FGGY: variants seen among roughly 807,000 people sequenced by gnomAD.
The protein encoded by FGGY is FGGY carbohydrate kinase domain containing, also known as FGGY carbohydrate kinase domain-containing protein.
FGGY carries 72 observed loss-of-function variants against 71.3 expected under a neutral mutation model. The ratio of observed to expected loss-of-function variants is 1.01; its 90% CI spans 0.84 to 1.23. The LOEUF is 1.23. Ranked by LOEUF, FGGY falls within the 50% of genes most tolerant of loss-of-function variation. FGGY has a pLI of 0.00. For synonymous variants in FGGY, 251 were observed against 250.3 expected (o/e 1.00, Z -0.02); for missense variants, 668 against 682.3 (o/e 0.98, Z 0.23).
At chr1:59,633,997 T>C (rs2096932464) in intron 10 of FGGY, among the ~76,000 whole-genome samples, 1 of 152,192 alleles carries the variant, frequency 6.6e-6, no homozygotes, top group Non-Finnish European at 1.5e-5. Context: ...GGTCAAATGA[T>C]GTAAAATGCC....
chr1:59,723,291 T>C (rs556388856), intron 14 of FGGY, among the ~76,000 whole-genome samples: 1 of 152,342 alleles, frequency 6.6e-6, no homozygotes, highest in South Asian at 2.1e-4. Context: ...CTTTTTGATA[T>C]TAAGCTAAAC....
At chr1:59,306,441 A>G (rs1211889775) in intron 1 of FGGY, among the ~76,000 whole-genome samples, 1 of 152,232 alleles carries the variant, frequency 6.6e-6, no homozygotes, top group Non-Finnish European at 1.5e-5. Context: ...TGGGTCTAGT[A>G]ACAGTAAGAC....
At chr1:59,538,174 G>T (rs1217044107) in intron 7 of FGGY, among the ~76,000 whole-genome samples, 1 of 152,188 alleles carries the variant, frequency 6.6e-6, no homozygotes, top group Non-Finnish European at 1.5e-5. Context: ...CCATGAAAAA[G>T]TGGGCGAGGG....
rs560760031 is a variant in FGGY at position 59,634,932 on chromosome 1, A to G, written c.1074-3296A>G. ...TGATTATTGAAACTATATTTTCTTC[A>G]TGATACCCAGTGGGATGTGGACAGC... On this transcript the variant is annotated intron_variant, in intron 10 of 15. Coordinates refer to ENST00000303721, the MANE Select transcript of FGGY (RefSeq NM_018291.5). Among the ~76,000 whole-genome samples the G allele has an allele frequency of 3.9e-5, 6 of 152,288 alleles. No homozygotes were observed. In the East Asian group the frequency reaches 1.2e-3, roughly 29 times the overall value.
chr1:59,623,284 C>T (rs1212426605), intron 9 of FGGY, among the ~76,000 whole-genome samples: 1 of 152,118 alleles, frequency 6.6e-6, no homozygotes, highest in African/African-American at 2.4e-5. Context: ...GGCCTTTGAT[C>T]TAATAAAAGT....
chr1:59,752,132 T>G (rs1364405432), intron 14 of FGGY, among the ~76,000 whole-genome samples: 1 of 152,230 alleles, frequency 6.6e-6, no homozygotes, highest in Non-Finnish European at 1.5e-5. Flanking sequence ...TAAAGTGTAA[T>G]TAATTTCTTA....
intron 4 of FGGY, among the ~76,000 whole-genome samples, chr1:59,364,726 A>AT (rs2056274029): frequency 6.6e-6 from 1 of 152,250 alleles, no homozygotes; most frequent in Non-Finnish European, 1.5e-5. Context: ...GCATAAGAGC[A>AT]TCTGACTCAG....
chr1:59,391,615 G>A (rs2060705211), intron 5 of FGGY, among the ~76,000 whole-genome samples: 1 of 152,140 alleles, frequency 6.6e-6, no homozygotes, highest in South Asian at 2.1e-4. Context: ...GTGTGACCTC[G>A]ACGATTATGA....
intron 11 of FGGY, among the ~76,000 whole-genome samples, chr1:59,653,597 C>A (rs1385846780): frequency 6.6e-6 from 1 of 152,240 alleles, no homozygotes; most frequent in Non-Finnish European, 1.5e-5. Context: ...GGCAATGCCT[C>A]GCCCTGCTTC....
chr1:59,298,808 C>T (rs914830217), intron 1 of FGGY, among the ~76,000 whole-genome samples: 8 of 152,136 alleles, frequency 5.3e-5, no homozygotes, highest in Non-Finnish European at 8.8e-5. Context: ...CCTTCTCACC[C>T]GCCCACCTTT....
chr1:59,366,633 A>T (rs2056639015), intron 4 of FGGY, among the ~76,000 whole-genome samples: 1 of 152,200 alleles, frequency 6.6e-6, no homozygotes, highest in Admixed American at 6.5e-5. Context: ...TCCTTTGTGT[A>T]CATCTTTCTC....
At chr1:59,540,277 G>A (rs12751609) in intron 7 of FGGY, among the ~76,000 whole-genome samples, 30,080 of 152,056 alleles carry the variant, frequency 0.2, 3,995 homozygotes, top group African/African-American at 0.37. Context: ...GAAAAAATAC[G>A]TATATAGTAA....
chr1:59,476,410 C>A (rs969314941), intron 6 of FGGY, among the ~76,000 whole-genome samples: 6 of 152,234 alleles, frequency 3.9e-5, no homozygotes, highest in Non-Finnish European at 8.8e-5. Context: ...TGCTCAAGGT[C>A]ACACAGTAAG....
At chr1:59,590,806 T>C (rs2096418060) in intron 8 of FGGY, among the ~76,000 whole-genome samples, 1 of 152,092 alleles carries the variant, frequency 6.6e-6, no homozygotes. Context: ...ATAAGAGCTA[T>C]CTATGACAAA....
intron 8 of FGGY, among the ~76,000 whole-genome samples, chr1:59,586,539 G>T (rs1285738937): frequency 6.6e-6 from 1 of 152,092 alleles, no homozygotes; most frequent in Non-Finnish European, 1.5e-5. Context: ...GATAGCATTA[G>T]GAGATATACC....
At chr1:59,589,695 C>T (rs1210995382) in intron 8 of FGGY, among the ~76,000 whole-genome samples, 1 of 152,120 alleles carries the variant, frequency 6.6e-6, no homozygotes, top group African/African-American at 2.4e-5. Flanking sequence ...CTACTGGGTA[C>T]ATAATGAAAT....
At chr1:59,641,315 A>G in intron 11 of FGGY, 1 of 1,606,518 alleles carries the variant, frequency 6.2e-7, no homozygotes, top group Non-Finnish European at 8.5e-7. Context: ...CGGCTTTGGC[A>G]GCGTTGCACT....
chr1:59,439,540 C>T (rs2153474906), intron 5 of FGGY, among the ~76,000 whole-genome samples: 1 of 152,244 alleles, frequency 6.6e-6, no homozygotes, highest in African/African-American at 2.4e-5. Flanking sequence ...CTCTCCTTTC[C>T]TTAAAGATCC....
chr1:59,653,696 C>G (rs6673957), intron 11 of FGGY, among the ~76,000 whole-genome samples: 4 of 152,174 alleles, frequency 2.6e-5, no homozygotes, highest in African/African-American at 7.2e-5. Context: ...GATGGAAATG[C>G]GGAAATCACC....
Sources: gnomAD v4.1 joint callset for allele counts (sites outside exome capture counted in the v4.1 genomes callset) on GRCh38, gnomAD v4.1.1 for gene constraint, MANE v1.5 for transcripts, NCBI Gene and HGNC (gene_info 2026-07-23, HGNC 2026-07-21) for gene names.